The following DESI2 variants were observed in gnomAD, a reference collection of about 807,000 sequenced individuals.
The protein encoded by DESI2 is desumoylating isopeptidase 2.
In DESI2, 10 loss-of-function variants were observed where a neutral mutation model predicts 24.1. That is an observed-to-expected ratio of 0.41 (90% CI 0.26 to 0.70). DESI2 has a LOEUF of 0.70. Among genes scored for constraint, DESI2 ranks in the 30% least tolerant of loss-of-function variants. DESI2 has a pLI of 0.29. For missense variants in DESI2, 122 were observed against 234.9 expected (o/e 0.52, Z 3.14); for synonymous variants, 71 against 87.7 (o/e 0.81, Z 1.06).
intron 1 of DESI2, among the ~76,000 whole-genome samples, chr1:244,680,633 G>A (rs1393921401): frequency 2.6e-5 from 4 of 152,176 alleles, no homozygotes; most frequent in Non-Finnish European, 5.9e-5. Flanking sequence ...CAATCACTTA[G>A]TATTGATAAG....
intron 1 of DESI2, among the ~76,000 whole-genome samples, chr1:244,663,301 T>A (rs569615460): frequency 1.3e-5 from 2 of 151,974 alleles, no homozygotes; most frequent in African/African-American, 4.8e-5. Context: ...CTCAGTCTTC[T>A]GAGTAGCTGG....
At chr1:244,705,057 G>T (rs1182885259) in intron 4 of DESI2, among the ~76,000 whole-genome samples, 21 of 152,282 alleles carry the variant, frequency 1.4e-4, no homozygotes, top group Admixed American at 1.2e-3. Flanking sequence ...AAGTAAAGGG[G>T]TAAAATGTAG....
intron 1 of DESI2, among the ~76,000 whole-genome samples, chr1:244,684,876 A>G (rs979961565): frequency 2.0e-5 from 3 of 152,192 alleles, no homozygotes; most frequent in African/African-American, 7.2e-5. Context: ...AAACTCTGGG[A>G]TTAAATAGAT....
Position 244,706,149 on chromosome 1 carries a change from G to T in DESI2, c.*360G>T. ...AAAATCTTCATGTCTTCAAAAATTA[G>T]GCAGGTAATCTTTGTATACTTCTGA... On this transcript the variant is annotated 3_prime_UTR_variant, in exon 5 of 5. Transcript: ENST00000302550. 4.8e-6 allele frequency: 1 copy of T among 207,718 alleles called. No individual in the cohort carries two copies. Among genetic ancestry groups the T allele is most frequent in the South Asian group, 8.1e-5 (1 of 12,416 alleles). The allele number at this position is 207,718 out of a possible 1,614,324, so 12.9% of individuals were successfully genotyped here. A position where few individuals can be genotyped will look rare whatever the true frequency, so the allele number is the denominator to read the frequency against.
At chr1:244,668,669 A>G (rs1232952971) in intron 1 of DESI2, among the ~76,000 whole-genome samples, 2 of 152,206 alleles carry the variant, frequency 1.3e-5, no homozygotes, top group South Asian at 2.1e-4. Flanking sequence ...GCATTTGTCA[A>G]TGTTACTTTC....
At chr1:244,659,572 G>A (rs1360381926) in intron 1 of DESI2, among the ~76,000 whole-genome samples, 3 of 152,194 alleles carry the variant, frequency 2.0e-5, no homozygotes, top group Non-Finnish European at 4.4e-5. Context: ...CGGCAATGGT[G>A]TGTGGAATCC....
At chr1:244,660,699 A>G (rs1019045652) in intron 1 of DESI2, among the ~76,000 whole-genome samples, 9 of 152,226 alleles carry the variant, frequency 5.9e-5, no homozygotes, top group African/African-American at 2.2e-4. Context: ...TCTGGAATGT[A>G]TTTTGGTATA....
intron 4 of DESI2, among the ~76,000 whole-genome samples, chr1:244,702,532 T>A (rs1057300298): frequency 6.6e-6 from 1 of 151,904 alleles, no homozygotes; most frequent in African/African-American, 2.4e-5. Flanking sequence ...AATAAATAAA[T>A]AAATAAATGG....
intron 1 of DESI2, among the ~76,000 whole-genome samples, chr1:244,671,750 T>C (rs781250539): frequency 9.9e-5 from 15 of 152,246 alleles, no homozygotes; most frequent in Non-Finnish European, 1.6e-4. Context: ...ATACATGTTA[T>C]TGGCTATGAT....
intron 1 of DESI2, among the ~76,000 whole-genome samples, chr1:244,658,288 C>T (rs959928723): frequency 6.6e-6 from 1 of 152,160 alleles, no homozygotes; most frequent in Non-Finnish European, 1.5e-5. Context: ...TTCTATATAA[C>T]AGTCTTTATT....
chr1:244,707,836 T>TG lies in DESI2; in HGVS notation c.*2048dup, dbSNP rs1431563242. On this transcript the variant is annotated 3_prime_UTR_variant, in exon 5 of 5. Coordinates refer to ENST00000302550, the MANE Select transcript of DESI2 (RefSeq NM_016076.5). ...TTATTGTTATTTTGTTGTATTTACT[T>TG]GCATTTGTTGTATTTACTTTCATCT... The TG allele has an allele frequency of 6.6e-6, 1 of 152,208 alleles. No homozygotes were observed. Among genetic ancestry groups the TG allele is most frequent in the East Asian group, 1.9e-4 (1 of 5,194 alleles). 9.4% of individuals were successfully genotyped at this position (152,208 alleles called of 1,614,324 possible). A position where few individuals can be genotyped will look rare whatever the true frequency, so the allele number is the denominator to read the frequency against.
chr1:244,697,377 C>T (rs954392281), intron 4 of DESI2, among the ~76,000 whole-genome samples: 2 of 151,040 alleles, frequency 1.3e-5, no homozygotes, highest in South Asian at 2.1e-4. Context: ...TGGTGTGTGG[C>T]ACACACCTGT....
rs1360361594 is a variant in DESI2, at chr1:244,705,737, C to T, written c.533C>T (p.Ser178Phe). The change falls in exon 5 of 5, where the codon TCC becomes TTC. Residue 178 changes from serine to phenylalanine, a missense_variant. Ser to Phe is a radical substitution (Grantham distance 155). Transcript: ENST00000302550. ...GCAGAGGATGCTGCCGCATCCGCTT[C>T]CGTGGCAAGCACTGCAGCAGGCTCC... The part of the protein sequence containing the change: ...EEAEDAAASA[S>F]VASTAAGSRP... 1 of 1,613,686 alleles carries T rather than the reference C, an allele frequency of 6.2e-7. No homozygotes were observed. Among genetic ancestry groups the T allele is most frequent in the Non-Finnish European group, 8.5e-7 (1 of 1,180,040 alleles).
chr1:244,680,429 CAAA>C (rs113349044), intron 1 of DESI2, among the ~76,000 whole-genome samples: 3 of 135,222 alleles, frequency 2.2e-5, no homozygotes. Context: ...AACCCTGTCT[CAAA>C]AAAAAAAAAA....
At position 244,663,393 on chromosome 1, in the gene DESI2, G is replaced by A. The variant is rs527315897; in HGVS notation, c.42+10038G>A. Among the ~76,000 whole-genome samples, 18 of 152,012 alleles carry A rather than the reference G, an allele frequency of 1.2e-4. No individual in the cohort carries two copies. The South Asian group carries it at 2.3e-3, about 19-fold the overall frequency. Reference sequence around the variant, plus strand: ...GGGTTTCACCATGTTAGCCAGGATGGTCTCGATCTCCTGACCTCGTGATCC... The same window carrying A: ...GGGTTTCACCATGTTAGCCAGGATGATCTCGATCTCCTGACCTCGTGATCC... On this transcript the variant is annotated intron_variant, in intron 1 of 4. Transcript: ENST00000302550.
intron 4 of DESI2, among the ~76,000 whole-genome samples, chr1:244,704,662 A>T (rs1257798080): frequency 7.2e-6 from 1 of 138,530 alleles, no homozygotes; most frequent in Admixed American, 7.0e-5. Flanking sequence ...CTGGGAAAAC[A>T]CTTTGTGTGT....
Position 244,703,808 on chromosome 1 carries a change from G to A in DESI2, c.352-1748G>A, listed in dbSNP as rs377313453. ...CGAGTAGCTGGGACTACAGGTGCCC[G>A]CCACCACGCCTAGCTAATTTTTTGT... On this transcript the variant is annotated intron_variant, in intron 4 of 4. Transcript: ENST00000302550. Among the ~76,000 whole-genome samples, 23 of 152,012 alleles carry A rather than the reference G, an allele frequency of 1.5e-4. 1 individual carries two copies. The highest frequency in any genetic ancestry group is 1.2e-3 in the East Asian group (6 of 5,164).
chr1:244,674,380 A>G (rs963528789), intron 1 of DESI2, among the ~76,000 whole-genome samples: 5 of 151,886 alleles, frequency 3.3e-5, no homozygotes, highest in Non-Finnish European at 5.9e-5. Flanking sequence ...AACTATATAA[A>G]ATGTACACCC....
At chr1:244,679,330 C>T (rs1016555309) in intron 1 of DESI2, among the ~76,000 whole-genome samples, 1 of 152,092 alleles carries the variant, frequency 6.6e-6, no homozygotes, top group Non-Finnish European at 1.5e-5. Context: ...TGTAAGGAGG[C>T]GAGGACTAGA....
Sources: allele counts gnomAD v4.1 joint callset (sites outside exome capture counted in the v4.1 genomes callset), GRCh38; gene constraint gnomAD v4.1.1; transcripts MANE v1.5; gene names NCBI Gene and HGNC (gene_info 2026-07-23, HGNC 2026-07-21).